KLHL25: variants seen among roughly 807,000 people sequenced by gnomAD.
The protein encoded by KLHL25 is kelch-like protein 25.
KLHL25 carries 41 observed loss-of-function variants against 30.0 expected under a neutral mutation model. That is an observed-to-expected ratio of 1.37 (90% confidence interval 1.07 to 1.78). The LOEUF (loss-of-function observed/expected upper bound fraction) is 1.78, where lower values mean the gene tolerates loss of function less well. Ranked by LOEUF, KLHL25 falls within the 40% of genes most tolerant of loss-of-function variation. The pLI, the probability that KLHL25 is intolerant of heterozygous loss-of-function variation, is 0.00. For missense variants in KLHL25, 971 were observed against 824.5 expected, an observed-to-expected ratio of 1.18 and a Z score of -2.18; for synonymous variants, 399 against 355.3, an observed-to-expected ratio of 1.12 and a Z score of -1.38.
intron 2 of KLHL25, chr15:85,761,682 C>T (rs1455442294): frequency 6.6e-6 from 1 of 152,304 alleles, no homozygotes; most frequent in East Asian, 1.9e-4. Flanking sequence ...TTCCCTCTCA[C>T]ATACCACTCC....
intron 2 of KLHL25, among the ~76,000 whole-genome samples, chr15:85,766,210 G>T (rs370045241): frequency 6.6e-6 from 1 of 152,220 alleles, no homozygotes; most frequent in Non-Finnish European, 1.5e-5. Flanking sequence ...ACCACCCAGC[G>T]CTGCAGGATC....
chr15:85,767,467 T>C (rs1010382240), intron 2 of KLHL25, among the ~76,000 whole-genome samples: 1 of 152,208 alleles, frequency 6.6e-6, no homozygotes, highest in African/African-American at 2.4e-5. Context: ...CCTGACTCCA[T>C]GGGGAGGGGG....
At chr15:85,769,934 C>T (rs919170931) in intron 1 of KLHL25, 114 bp from the exon 2 acceptor site, 1 of 865,292 alleles carries the variant, frequency 1.2e-6, no homozygotes, top group South Asian at 1.8e-5. Context: ...CTCTGCTCAC[C>T]TCTGCTAAAC....
At chr15:85,785,636 G>A (rs1241787551) in intron 1 of KLHL25, among the ~76,000 whole-genome samples, 5 of 152,080 alleles carry the variant, frequency 3.3e-5, no homozygotes, top group South Asian at 2.1e-4. Flanking sequence ...CCAGCAACCA[G>A]GGTAGGTGTG....
chr15:85,776,513 C>T (rs1172313403), intron 1 of KLHL25, among the ~76,000 whole-genome samples: 1 of 151,928 alleles, frequency 6.6e-6, no homozygotes, highest in Non-Finnish European at 1.5e-5. Flanking sequence ...GCAAAAAAAA[C>T]CTTTATGCAT....
At chr15:85,783,294 A>G (rs2089757002) in intron 1 of KLHL25, among the ~76,000 whole-genome samples, 1 of 151,350 alleles carries the variant, frequency 6.6e-6, no homozygotes, top group African/African-American at 2.4e-5. Flanking sequence ...AGGTTTTGCC[A>G]TGTTGGCCAG....
In KLHL25 at chr15:85,768,107, G is replaced by A. The variant is rs1174067361; in HGVS notation, c.1704C>T (p.Ile568=). 5.0e-6 allele frequency: 8 copies of A among 1,614,114 alleles called. No homozygotes were observed. Among genetic ancestry groups the A allele is most frequent in the Non-Finnish European group, 5.9e-6 (7 of 1,180,052 alleles). ...GGATAAGTGAGTAGGGCACTGTGGT[G>A]ATGCAGTTCCATGTATCTGAAGTGG... ...YDPTSDTWNC[I]TTVPYSLIPT... The change falls in exon 2 of 3, where the codon ATC becomes ATT. Residue 568 remains isoleucine (I), a synonymous_variant. Coordinates refer to ENST00000337975, the MANE Select transcript of KLHL25 (RefSeq NM_022480.4).
At position 85,769,063 on chromosome 15, in the gene KLHL25, C is replaced by T. The variant is rs35582838; in HGVS notation, c.748G>A (p.Val250Ile). 0.1 allele frequency: 165,410 copies of T among 1,606,074 alleles called. 9,171 individuals are homozygous for T. The highest frequency in any genetic ancestry group is 0.14 in the Middle Eastern group (871 of 6,048). ...LLPSDCLQEA[V>I]SSEALLMADE... Reference sequence around the variant, plus strand: ...GCCATGAGGAGGGCCTCGCTGGAGACGGCCTCCTGCAGGCAGTCGGACGGC... The same window carrying T: ...GCCATGAGGAGGGCCTCGCTGGAGATGGCCTCCTGCAGGCAGTCGGACGGC... The change falls in exon 2 of 3, where the codon GTC becomes ATC. Residue 250 changes from valine (V) to isoleucine (I), a missense_variant. Physicochemically the swap from Val to Ile is conservative, Grantham distance 29 (BLOSUM62 3). Transcript: ENST00000337975.
At chr15:85,785,389 G>C (rs2089774712) in intron 1 of KLHL25, among the ~76,000 whole-genome samples, 1 of 152,230 alleles carries the variant, frequency 6.6e-6, no homozygotes, top group East Asian at 1.9e-4. Flanking sequence ...CACCACGCCC[G>C]GCCAACTGAT....
In KLHL25 at chr15:85,769,745, G is replaced by A. The variant is rs770417145; in HGVS notation, c.66C>T (p.Leu22=). ...RSSTGSMNVT[L]FHKASHPDCV... ...AGTCCGGGTGGGAGGCCTTGTGGAA[G>A]AGGGTGACGTTCATGGACCCCGTGC... Residue 22 remains leucine, a synonymous_variant, in exon 2 of 3, where the codon CTC becomes CTT. Coordinates refer to ENST00000337975, the MANE Select transcript of KLHL25 (RefSeq NM_022480.4). 1 of 1,613,580 alleles carries A rather than the reference G, an allele frequency of 6.2e-7. No individual in the cohort carries two copies. The highest frequency in any genetic ancestry group is 8.5e-7 in the Non-Finnish European group (1 of 1,180,044).
chr15:85,769,875 C>T (rs2089659455), intron 1 of KLHL25, 55 bp from the exon 2 acceptor site: 1 of 1,403,856 alleles, frequency 7.1e-7, no homozygotes, highest in East Asian at 2.4e-5. Flanking sequence ...CATCTGCCCT[C>T]TCAGGGCTCA....
At position 85,769,096 on chromosome 15, in the gene KLHL25, C is replaced by T. The variant is rs1207061859; in HGVS notation, c.715G>A (p.Ala239Thr). 2 of 1,606,748 alleles carry T rather than the reference C, an allele frequency of 1.2e-6. No homozygotes were observed. The highest frequency in any genetic ancestry group is 1.1e-5 in the South Asian group (1 of 90,868). Reference protein sequence around the residue: ...LPELLRSVRLALLPSDCLQEA... With the variant: ...LPELLRSVRLTLLPSDCLQEA... The stretch of plus-strand genomic sequence containing the variant: ...TGCAGGCAGTCGGACGGCAGCAAGG[C>T]CAGACGCACGCTGCGGAGGAGCTCG... The change falls in exon 2 of 3, where the codon GCC becomes ACC. Residue 239 changes from alanine (A) to threonine (T), a missense_variant. Ala to Thr is a moderately conservative substitution (Grantham distance 58, BLOSUM62 0). Transcript: ENST00000337975.
At position 85,769,359 on chromosome 15, in the gene KLHL25, C is replaced by A. The variant is rs765388756; in HGVS notation, c.452G>T (p.Gly151Val). The change falls in exon 2 of 3, where the codon GGC becomes GTC. Residue 151 changes from glycine (G) to valine (V), a missense_variant. Coordinates refer to ENST00000337975, the MANE Select transcript of KLHL25 (RefSeq NM_022480.4). ...GTGGGCGTCCGAGAGCAGCATCATG[C>A]CCAGGCAGTTGGAGGGGAAAAGGTT... ...EKNLFPSNCL[G>V]MMLLSDAHQC... is the part of the protein sequence containing the mutation. 2 of 1,614,152 alleles carry A rather than the reference C, an allele frequency of 1.2e-6. No individual in the cohort carries two copies. Among genetic ancestry groups the A allele is most frequent in the East Asian group, 2.2e-5 (1 of 44,882 alleles).
rs1484115574 is a variant in KLHL25 at position 85,768,629 on chromosome 15, C to T, written c.1182G>A (p.Gly394=). The part of the protein sequence containing the change: ...AELENCLYVV[G]GHTSLAGVFP... ...AGACCCCTGCCAGGGATGTGTGTCC[C>T]CCCACCACATAGAGGCAGTTCTCCA... Residue 394 remains glycine, a synonymous_variant, in exon 2 of 3, where the codon GGG becomes GGA. Transcript: ENST00000337975. The T allele has an allele frequency of 1.2e-6, 2 of 1,612,556 alleles. No homozygotes were observed. Among genetic ancestry groups the T allele is most frequent in the Admixed American group, 1.7e-5 (1 of 59,972 alleles).
rs960629759 is a variant in KLHL25, at chr15:85,769,264, C to T, written c.547G>A (p.Glu183Lys). ...LVHFETVRQSEDFNSLSKDTL... is the reference protein window; with the variant it reads ...LVHFETVRQSKDFNSLSKDTL... ...TCCTTGGACAGGCTGTTGAAGTCCTCGCTCTGCCTCACCGTCTCAAAGTGC... is the reference window on the plus strand; with the variant it reads ...TCCTTGGACAGGCTGTTGAAGTCCTTGCTCTGCCTCACCGTCTCAAAGTGC... The change falls in exon 2 of 3, where the codon GAG becomes AAG. Residue 183 changes from glutamate to lysine, a missense_variant. Physicochemically the swap from Glu to Lys is moderately conservative, Grantham distance 56. Transcript: ENST00000337975. 19 of 1,613,820 alleles carry T rather than the reference C, an allele frequency of 1.2e-5. No individual in the cohort carries two copies. The East Asian group carries it at 2.0e-4, about 17-fold the overall frequency.
Position 85,768,255 on chromosome 15 carries a change from G to A in KLHL25, c.1556C>T (p.Thr519Met), listed in dbSNP as rs774760536. 36 of 1,614,028 alleles carry A rather than the reference G, an allele frequency of 2.2e-5. No homozygotes were observed. The highest frequency in any genetic ancestry group is 1.6e-4 in the Middle Eastern group (1 of 6,084). The change falls in exon 2 of 3, where the codon ACG becomes ATG. Residue 519 changes from threonine to methionine, a missense_variant. Transcript: ENST00000337975. Reference protein sequence around the residue: ...YRFDCETNQWTRIGDMTAKRM... With the variant: ...YRFDCETNQWMRIGDMTAKRM... ...CTTGGCAGTCATGTCCCCAATCCGC[G>A]TCCACTGGTTGGTCTCACAGTCAAA...
chr15:85,768,883 T>G lies in KLHL25; in HGVS notation c.928A>C (p.Ile310Leu). 6.2e-7 allele frequency: 1 copy of G among 1,613,300 alleles called. No individual in the cohort carries two copies. Among genetic ancestry groups the G allele is most frequent in the African/African-American group, 1.3e-5 (1 of 75,052 alleles). Reference protein sequence around the residue: ...LGGQTFMCDKIYQVDHKAKEI... With the variant: ...LGGQTFMCDKLYQVDHKAKEI... ...TTGGCCTTGTGGTCCACCTGGTAGA[T>G]CTTGTCACACATGAAGGTCTGGCCC... Residue 310 changes from isoleucine to leucine, a missense_variant, in exon 2 of 3, where the codon ATC becomes CTC. Physicochemically the swap from Ile to Leu is conservative, Grantham distance 5 (BLOSUM62 2). Coordinates refer to ENST00000337975, the MANE Select transcript of KLHL25 (RefSeq NM_022480.4).
intron 2 of KLHL25, chr15:85,762,396 G>C (rs1233565175): frequency 6.6e-6 from 1 of 152,514 alleles, no homozygotes; most frequent in African/African-American, 2.4e-5. Context: ...GACAGCTAGA[G>C]GCACAGGGGT....
At chr15:85,790,297 A>G (rs908502659) in intron 1 of KLHL25, among the ~76,000 whole-genome samples, 7 of 152,182 alleles carry the variant, frequency 4.6e-5, no homozygotes, top group Non-Finnish European at 7.3e-5. Flanking sequence ...CATGTTGGTC[A>G]GGCTGGTCTC....
Sources: allele counts gnomAD v4.1 joint callset (sites outside exome capture counted in the v4.1 genomes callset), GRCh38; gene constraint gnomAD v4.1.1; transcripts MANE v1.5; gene names NCBI Gene and HGNC (gene_info 2026-07-23, HGNC 2026-07-21).